The following GRHL2 variants were observed in gnomAD, a reference collection of about 807,000 sequenced individuals.
GRHL2 encodes the protein grainyhead like transcription factor 2.
A neutral mutation model predicts 83.8 loss-of-function variants in GRHL2; 21 were observed. The observed-to-expected ratio is 0.25, with a 90% CI of 0.18 to 0.36. The LOEUF is 0.36. GRHL2 is among the 10% of genes least tolerant of loss of function. GRHL2 has a pLI of 1.00. For synonymous variants in GRHL2, 280 were observed against 278.9 expected, an observed-to-expected ratio of 1.00 and a Z score of -0.04; for missense variants, 623 against 781.8, an observed-to-expected ratio of 0.80 and a Z score of 2.42.
At chr8:101,654,518 G>C (rs1416499451) in intron 14 of GRHL2, among the ~76,000 whole-genome samples, 1 of 152,118 alleles carries the variant, frequency 6.6e-6, no homozygotes, top group Non-Finnish European at 1.5e-5. Flanking sequence ...CCTCAGCCAG[G>C]TGTTATTTAG....
intron 14 of GRHL2, among the ~76,000 whole-genome samples, chr8:101,653,375 A>G (rs991490650): frequency 6.6e-6 from 1 of 152,202 alleles, no homozygotes; most frequent in Non-Finnish European, 1.5e-5. Context: ...ACCTCAGGCC[A>G]TCACTTTGAA....
chr8:101,560,753 A>T (rs1421784132), intron 4 of GRHL2, among the ~76,000 whole-genome samples: 3 of 152,148 alleles, frequency 2.0e-5, no homozygotes, highest in African/African-American at 4.8e-5. Flanking sequence ...ATGTGTAGTG[A>T]GGTTGAACAT....
At chr8:101,518,235 C>T (rs1810611174) in intron 1 of GRHL2, among the ~76,000 whole-genome samples, 1 of 152,150 alleles carries the variant, frequency 6.6e-6, no homozygotes, top group African/African-American at 2.4e-5. Context: ...GTGGCAAAAA[C>T]CCGTTTCTAC....
At chr8:101,550,702 A>G (rs1443302189) in intron 2 of GRHL2, among the ~76,000 whole-genome samples, 2 of 152,222 alleles carry the variant, frequency 1.3e-5, no homozygotes, top group African/African-American at 4.8e-5. Context: ...GCCACCATCT[A>G]TCTCCAGAGC....
chr8:101,498,052 C>T (rs1221002504), intron 1 of GRHL2, among the ~76,000 whole-genome samples: 1 of 152,216 alleles, frequency 6.6e-6, no homozygotes, highest in East Asian at 1.9e-4. Flanking sequence ...AAAGGTCTAG[C>T]TAGGGTTTCT....
chr8:101,667,251 T>C lies in GRHL2; in HGVS notation c.*548T>C, dbSNP rs1177570041. 5.4e-6 allele frequency: 1 copy of C among 185,120 alleles called. No homozygotes were observed. Among genetic ancestry groups the C allele is most frequent in the Non-Finnish European group, 1.2e-5 (1 of 86,510 alleles). The allele number at this position is 185,120 out of a possible 1,614,324, so 11.5% of individuals were successfully genotyped here. ...CTGTCTTGCTAAATACCTCCAGGGTTCCCAGCAAGTGGCCACCAGGCCTTG... is the reference window on the plus strand; with the variant it reads ...CTGTCTTGCTAAATACCTCCAGGGTCCCCAGCAAGTGGCCACCAGGCCTTG... On this transcript the variant is annotated 3_prime_UTR_variant, in exon 16 of 16. Coordinates refer to ENST00000646743, the MANE Select transcript of GRHL2 (RefSeq NM_024915.4).
intron 14 of GRHL2, among the ~76,000 whole-genome samples, chr8:101,650,561 A>G (rs1813600964): frequency 6.6e-6 from 1 of 152,158 alleles, no homozygotes; most frequent in African/African-American, 2.4e-5. Flanking sequence ...AGATTCAAAA[A>G]GCCACATGTG....
intron 8 of GRHL2, among the ~76,000 whole-genome samples, chr8:101,604,331 C>T (rs1812585664): frequency 6.6e-6 from 1 of 152,172 alleles, no homozygotes; most frequent in African/African-American, 2.4e-5. Context: ...CACTGCCTTT[C>T]TCTAAGTGAT....
intron 8 of GRHL2, among the ~76,000 whole-genome samples, chr8:101,617,816 A>G (rs1388507213): frequency 6.6e-6 from 1 of 152,154 alleles, no homozygotes; most frequent in Non-Finnish European, 1.5e-5. Flanking sequence ...AAAAGCCTTT[A>G]ACATGCAGTC....
intron 15 of GRHL2, among the ~76,000 whole-genome samples, chr8:101,665,601 C>A (rs1814033795): frequency 6.6e-6 from 1 of 152,130 alleles, no homozygotes; most frequent in African/African-American, 2.4e-5. Flanking sequence ...AGTCTTATTG[C>A]CGAGCAGAAA....
At position 101,573,802 on chromosome 8, in the gene GRHL2, G is replaced by C. The variant is rs375445375; in HGVS notation, c.869G>C (p.Arg290Pro). The change falls in exon 6 of 16, where the codon CGA becomes CCA. Residue 290 changes from arginine (R) to proline (P), a missense_variant. Transcript: ENST00000646743. ...LSETGDNKCFRHPISKVRSVV... is the reference protein window; with the variant it reads ...LSETGDNKCFPHPISKVRSVV... ...GAGACCGGAGACAACAAATGCTTCC[G>C]ACACCCCATCAGCAAAGTCAGGGTA... The C allele has an allele frequency of 6.2e-7, 1 of 1,614,122 alleles. No individual in the cohort carries two copies. The highest frequency in any genetic ancestry group is 2.2e-5 in the East Asian group (1 of 44,880).
intron 1 of GRHL2, chr8:101,529,432 C>CAAA (rs11402395): frequency 2.2e-4 from 31 of 139,134 alleles, no homozygotes; most frequent in South Asian, 4.7e-4. Flanking sequence ...GACTCCCTCT[C>CAAA]AAAAAAAAAA....
chr8:101,515,007 C>G (rs1352461931), intron 1 of GRHL2, among the ~76,000 whole-genome samples: 1 of 145,628 alleles, frequency 6.9e-6, no homozygotes, highest in African/African-American at 2.7e-5. Context: ...TTCCTCCCTT[C>G]CTTCCCCCCT....
At chr8:101,660,595 G>A (rs111491791) in intron 14 of GRHL2, among the ~76,000 whole-genome samples, 3,959 of 151,958 alleles carry the variant, frequency 0.026, 144 homozygotes, top group African/African-American at 0.077. Flanking sequence ...CCATCTTTTT[G>A]TTTATTATTT....
At chr8:101,498,946 G>T (rs11991933) in intron 1 of GRHL2, among the ~76,000 whole-genome samples, 2,286 of 152,168 alleles carry the variant, frequency 0.015, 23 homozygotes, top group Middle Eastern at 0.075. Context: ...ATGGTGGCGG[G>T]CACCTGTAGT....
At chr8:101,665,725 G>A (rs1013063032) in intron 15 of GRHL2, among the ~76,000 whole-genome samples, 6 of 152,180 alleles carry the variant, frequency 3.9e-5, no homozygotes, top group Admixed American at 2.6e-4. Flanking sequence ...CTAAGTGACT[G>A]TTCTTATTTT....
chr8:101,505,027 G>A (rs376854847), intron 1 of GRHL2, among the ~76,000 whole-genome samples: 19 of 151,890 alleles, frequency 1.3e-4, no homozygotes, highest in East Asian at 9.7e-4. Flanking sequence ...AAAAAAGGTG[G>A]AAATGAACTT....
chr8:101,612,508 G>C lies in GRHL2; in HGVS notation c.1099-7031G>C, dbSNP rs140578236. 3.3e-3 allele frequency among the ~76,000 whole-genome samples: 422 copies of C among 128,598 alleles called. 9 individuals are homozygous for C. In the East Asian group the frequency reaches 0.04, roughly 12 times the overall value. 84.4% of individuals were successfully genotyped at this position (128,598 alleles called of 152,430 possible). The stretch of plus-strand genomic sequence containing the variant: ...AGATAGATAGATAGATAGATAGATA[G>C]ATAGATAGATAGATACATACATACA... On this transcript the variant is annotated intron_variant, in intron 8 of 15. Transcript: ENST00000646743.
chr8:101,523,854 T>C (rs1810747332), intron 1 of GRHL2, among the ~76,000 whole-genome samples: 1 of 152,126 alleles, frequency 6.6e-6, no homozygotes, highest in Admixed American at 6.5e-5. Context: ...TCACGCACCA[T>C]CCCACCTCCA....
Sources: allele counts gnomAD v4.1 joint callset (sites outside exome capture counted in the v4.1 genomes callset), GRCh38; gene constraint gnomAD v4.1.1; transcripts MANE v1.5; gene names NCBI Gene and HGNC (gene_info 2026-07-23, HGNC 2026-07-21).